LAMA5: variants seen among roughly 807,000 people sequenced by gnomAD.
LAMA5 encodes the protein laminin subunit alpha-5.
A neutral mutation model predicts 433.4 loss-of-function variants in LAMA5; 260 were observed. That is an observed-to-expected ratio of 0.60 (90% confidence interval 0.54 to 0.66). The LOEUF (loss-of-function observed/expected upper bound fraction) is 0.66, where lower values mean the gene tolerates loss of function less well. Ranked by LOEUF, LAMA5 falls within the 30% of genes least tolerant of loss-of-function variation. The pLI, the probability that LAMA5 is intolerant of heterozygous loss-of-function variation, is 0.00. For missense variants in LAMA5, 5,378 were observed against 5,258.5 expected, an observed-to-expected ratio of 1.02 and a Z score of -0.70; for synonymous variants, 2,620 against 2,226.6, an observed-to-expected ratio of 1.18 and a Z score of -4.97.
Position 62,336,794 on chromosome 20 carries a change from G to A in LAMA5, c.2165-8C>T, listed in dbSNP as rs372251139. On this transcript the variant is annotated splice_region_variant and splice_polypyrimidine_tract_variant and intron_variant, in intron 16 of 79. Coordinates refer to ENST00000252999, the MANE Select transcript of LAMA5 (RefSeq NM_005560.6). Reference sequence around the variant, plus strand: ...CAGGGTGGCAAGAGCCAGCTGTGAAGAGAGGACCATGCCTCGGTCATTTCC... The same window carrying A: ...CAGGGTGGCAAGAGCCAGCTGTGAAAAGAGGACCATGCCTCGGTCATTTCC... 1.2e-5 allele frequency: 20 copies of A among 1,612,276 alleles called. No individual in the cohort carries two copies. Among genetic ancestry groups the A allele is most frequent in the Non-Finnish European group, 1.7e-5 (20 of 1,179,916 alleles).
At chr20:62,325,675 C>G in intron 40 of LAMA5, 129 bp from the exon 41 acceptor site, 1 of 602,828 alleles carries the variant, frequency 1.7e-6, no homozygotes, top group Non-Finnish European at 2.8e-6. Flanking sequence ...GAGGTACACA[C>G]AGGTAGAAAA....
rs1469695761 is a variant in LAMA5, at chr20:62,309,826, C to T, written c.10838G>A (p.Ser3613Asn). ...GQWHRLAVMK[S>N]GNVLRLEVDA... ...CACCTCCAGCCGGAGCACATTCCCG[C>T]TTTTCATCACTGGGAGAAAGGGGGA... Residue 3613 changes from serine (S) to asparagine (N), a missense_variant, in exon 79 of 80, where the codon AGC becomes AAC. Ser to Asn is a conservative substitution (Grantham distance 46, BLOSUM62 1). Coordinates refer to ENST00000252999, the MANE Select transcript of LAMA5 (RefSeq NM_005560.6). 1.9e-6 allele frequency: 3 copies of T among 1,611,562 alleles called. No individual in the cohort carries two copies. The highest frequency in any genetic ancestry group is 2.7e-5 in the African/African-American group (2 of 74,846).
intron 31 of LAMA5, among the ~76,000 whole-genome samples, 159 bp downstream of exon 31, chr20:62,330,329 G>GGGGCTGC (rs1196269934): frequency 1.6e-4 from 25 of 152,260 alleles, no homozygotes; most frequent in Non-Finnish European, 2.8e-4. Context: ...CGGGCGGGTA[G>GGGGCTGC]GGGCTGCGGG....
In LAMA5 at chr20:62,338,101, G is replaced by A. The variant is rs377528119; in HGVS notation, c.1806C>T (p.Ala602=). The stretch of plus-strand genomic sequence containing the variant: ...ACTCAGGCTGGCATAGGCAGCGGCC[G>A]GCCTCATCGCAGCCCTCGGGCAAGG... The part of the protein sequence containing the change: ...AGTLPEGCDE[A]GRCLCQPEFA... The change falls in exon 14 of 80, where the codon GCC becomes GCT. Residue 602 remains alanine (A), a synonymous_variant. Coordinates refer to ENST00000252999, the MANE Select transcript of LAMA5 (RefSeq NM_005560.6). 1.1e-5 allele frequency: 17 copies of A among 1,601,406 alleles called. No homozygotes were observed. Among genetic ancestry groups the A allele is most frequent in the Middle Eastern group, 1.7e-4 (1 of 6,034 alleles).
In LAMA5 at chr20:62,322,420, C is replaced by G. The variant is rs1489267922; in HGVS notation, c.6195G>C (p.Gly2065=). Residue 2065 remains glycine (G), a synonymous_variant, in exon 47 of 80, where the codon GGG becomes GGC. Coordinates refer to ENST00000252999, the MANE Select transcript of LAMA5 (RefSeq NM_005560.6). ...GTCCACAAGCACACGGGCGGCAGCC[C>G]CCGCAGCCATCGAAACCAAAATGTC... The part of the protein sequence containing the change: ...QEGHFGFDGC[G]GCRPCACGPA... 1.3e-6 allele frequency: 2 copies of G among 1,593,172 alleles called. No individual in the cohort carries two copies. The highest frequency in any genetic ancestry group is 2.7e-5 in the African/African-American group (2 of 74,546).
rs773052998 is a variant in LAMA5 at position 62,309,301 on chromosome 20, C to CAG, written c.*33_*34dup. 3.8e-6 allele frequency: 6 copies of CAG among 1,585,150 alleles called. No individual in the cohort carries two copies. In the African/African-American group the frequency reaches 5.4e-5, roughly 14 times the overall value. On this transcript the variant is annotated 3_prime_UTR_variant, in exon 80 of 80. Coordinates refer to ENST00000252999, the MANE Select transcript of LAMA5 (RefSeq NM_005560.6). ...CACAAGGGGCGGTGTGAGGCAGCTG[C>CAG]AGGGGCCTGACCAGGGGCCGGGGTT...
At position 62,333,754 on chromosome 20, in the gene LAMA5, C is replaced by T; in HGVS notation, c.2879-48G>A. 4 of 1,508,922 alleles carry T rather than the reference C, an allele frequency of 2.7e-6. No individual in the cohort carries two copies. In the South Asian group the frequency reaches 5.0e-5, roughly 19 times the overall value. The allele number at this position is 1,508,922 out of a possible 1,614,324, so 93.5% of individuals were successfully genotyped here. A position where few individuals can be genotyped will look rare whatever the true frequency, so the allele number is the denominator to read the frequency against. ...CTCCTGAGCCCAGCCCTTGGGGCCA[C>T]CCCAGGCTGCACCCCCTACAGGGTT... On this transcript the variant is annotated intron_variant, in intron 23 of 79. Coordinates refer to ENST00000252999, the MANE Select transcript of LAMA5 (RefSeq NM_005560.6).
rs753905582 is a variant in LAMA5 at position 62,310,666 on chromosome 20, G to A, written c.10445C>T (p.Pro3482Leu). 36 of 1,602,464 alleles carry A rather than the reference G, an allele frequency of 2.2e-5. No homozygotes were observed. Among genetic ancestry groups the A allele is most frequent in the South Asian group, 1.2e-4 (11 of 90,236 alleles). ...GGGCTGGGGCAAGATGGTTCTCACC[G>A]GAAGTTTGGAGCTGTGGCTGCTGGC... The part of the protein sequence containing the change: ...LPASSHSSKL[P>L]VTVGFSGCVK... Residue 3482 changes from proline to leucine, a missense_variant and splice_region_variant, in exon 75 of 80, where the codon CCG becomes CTG. Coordinates refer to ENST00000252999, the MANE Select transcript of LAMA5 (RefSeq NM_005560.6).
intron 11 of LAMA5, among the ~76,000 whole-genome samples, chr20:62,343,291 AT>A (rs902781792): frequency 1.3e-5 from 2 of 152,210 alleles, no homozygotes; most frequent in African/African-American, 2.4e-5. Flanking sequence ...TAAAAAAACC[AT>A]CACAGAACCA....
At chr20:62,348,440 A>G (rs546805276) in intron 6 of LAMA5, among the ~76,000 whole-genome samples, 26 of 152,148 alleles carry the variant, frequency 1.7e-4, no homozygotes, top group African/African-American at 5.8e-4. Context: ...CATCTCTACT[A>G]AAGAAAAATA....
In LAMA5 at chr20:62,322,167, G is replaced by T; in HGVS notation, c.6348C>A (p.Arg2116=). The T allele has an allele frequency of 6.3e-7, 1 of 1,592,570 alleles. No individual in the cohort carries two copies. ...CACAGCGGCCCCCAGGGCACTGGCAGCCTGTGGTGGGGGGCTTGGGTGAGC... is the reference window on the plus strand; with the variant it reads ...CACAGCGGCCCCCAGGGCACTGGCATCCTGTGGTGGGGGGCTTGGGTGAGC... The part of the protein sequence containing the change: ...YWGLPEQGCR[R]CQCPGGRCDP... The change falls in exon 48 of 80, where the codon CGC becomes CGA. Residue 2116 remains arginine (R), a splice_region_variant and synonymous_variant. Coordinates refer to ENST00000252999, the MANE Select transcript of LAMA5 (RefSeq NM_005560.6).
In LAMA5 at chr20:62,361,837, G is replaced by A. The variant is rs187084261; in HGVS notation, c.450+563C>T. ...GCCCACCTTGGGGGTTTCACTCTTC[G>A]CTTGGAGGCACCCAGCTGCAGCCTC... On this transcript the variant is annotated intron_variant, in intron 2 of 79. Transcript: ENST00000252999. Among the ~76,000 whole-genome samples, 211 of 152,314 alleles carry A rather than the reference G, an allele frequency of 1.4e-3. 2 individuals are homozygous for A. The highest frequency in any genetic ancestry group is 0.01 in the Middle Eastern group (3 of 294).
chr20:62,309,693 C>A (rs1454673365), intron 79 of LAMA5, 23 bp downstream of exon 79: 4 of 1,486,494 alleles, frequency 2.7e-6, no homozygotes, highest in Non-Finnish European at 3.6e-6. Flanking sequence ...AGCTCCCCCA[C>A]CCTTGATCAA....
At position 62,346,901 on chromosome 20, in the gene LAMA5, G is replaced by A. The variant is rs1983477897; in HGVS notation, c.1072+12C>T. ...GTGGGCAGGACACACGTGTGTGGGA[G>A]GAGGCACTCACACTGGCACTCGTTG... On this transcript the variant is annotated intron_variant, in intron 7 of 79. Transcript: ENST00000252999. The A allele has an allele frequency of 6.2e-7, 1 of 1,611,640 alleles. No homozygotes were observed. The highest frequency in any genetic ancestry group is 8.5e-7 in the Non-Finnish European group (1 of 1,178,720).
At position 62,367,048 on chromosome 20, in the gene LAMA5, C is replaced by T. The variant is rs769875914; in HGVS notation, c.198G>A (p.Glu66=). 3.9e-6 allele frequency: 5 copies of T among 1,268,028 alleles called. No individual in the cohort carries two copies. The South Asian group carries it at 1.2e-4, about 31-fold the overall frequency. 78.5% of individuals were successfully genotyped at this position (1,268,028 alleles called of 1,614,324 possible). ...ARIAASATCG[E]EAPARGSPRP... ...GCGGGGAGCCGCGCGCCGGGGCCTC[C>T]TCTCCGCAGGTCGCGGAGGCGGCGA... Residue 66 remains glutamate, a synonymous_variant, in exon 1 of 80, where the codon GAG becomes GAA. Coordinates refer to ENST00000252999, the MANE Select transcript of LAMA5 (RefSeq NM_005560.6).
rs918049303 is a variant in LAMA5 at position 62,326,835 on chromosome 20, C to G, written c.5214+30G>C. On this transcript the variant is annotated intron_variant, in intron 39 of 79. Coordinates refer to ENST00000252999, the MANE Select transcript of LAMA5 (RefSeq NM_005560.6). Reference sequence around the variant, plus strand: ...TGCCACTGCGCCACGCCCACCCAACCACCCTGCCACATCATCTCAGCTCCC... The same window carrying G: ...TGCCACTGCGCCACGCCCACCCAACGACCCTGCCACATCATCTCAGCTCCC... The G allele has an allele frequency of 2.5e-6, 4 of 1,602,324 alleles. No individual in the cohort carries two copies. The African/African-American group carries it at 5.3e-5, about 21-fold the overall frequency.
In LAMA5 at chr20:62,314,630, GA is replaced by G; in HGVS notation, c.8291del (p.Phe2764SerfsTer19). 3 of 1,612,588 alleles carry G rather than the reference GA, an allele frequency of 1.9e-6. No homozygotes were observed. Among genetic ancestry groups the G allele is most frequent in the Non-Finnish European group, 2.5e-6 (3 of 1,179,930 alleles). ...GCTCAGGCTCTGGGCCCTGCAGGTA[GA>G]ACTTGAGGGCAGTGTAGGCAGCAAG... is the stretch of plus-strand genomic sequence containing the variant. ...ADLAAYTALK[F>X]YLQGPEPEPG... is the part of the protein sequence containing the mutation. On this transcript the variant is annotated frameshift_variant, in exon 61 of 80. Coordinates refer to ENST00000252999, the MANE Select transcript of LAMA5 (RefSeq NM_005560.6). LOFTEE classifies it high-confidence loss of function.
intron 16 of LAMA5, 92 bp downstream of exon 16, chr20:62,337,498 G>C (rs1013583471): frequency 6.7e-7 from 1 of 1,497,750 alleles, no homozygotes; most frequent in African/African-American, 1.4e-5. Flanking sequence ...AGATGCACGT[G>C]AACAGCCTCA....
intron 16 of LAMA5, chr20:62,337,025 G>C (rs1981754873): frequency 1.5e-6 from 1 of 672,174 alleles, no homozygotes; most frequent in African/African-American, 1.8e-5. Flanking sequence ...ACCGCGTGGG[G>C]TACCCGTGTA....
Sources: allele counts gnomAD v4.1 joint callset (sites outside exome capture counted in the v4.1 genomes callset), GRCh38; gene constraint gnomAD v4.1.1; transcripts MANE v1.5; gene names NCBI Gene and HGNC (gene_info 2026-07-23, HGNC 2026-07-21).